The following DOCK3 variants were observed in gnomAD, a reference collection of about 807,000 sequenced individuals.
DOCK3 encodes the protein dedicator of cytokinesis 3.
In DOCK3, 60 loss-of-function variants were observed where a neutral mutation model predicts 265.6. The observed-to-expected ratio is 0.23, with a 90% CI of 0.18 to 0.28. The LOEUF (loss-of-function observed/expected upper bound fraction) is 0.28. Among genes scored for constraint, DOCK3 ranks in the 10% least tolerant of loss-of-function variants. The pLI, the probability that DOCK3 is intolerant of heterozygous loss-of-function variation, is 1.00. For synonymous variants in DOCK3, 881 were observed against 938.0 expected (o/e 0.94, Z 1.11); for missense variants, 1,981 against 2,594.3 (o/e 0.76, Z 5.14).
intron 1 of DOCK3, among the ~76,000 whole-genome samples, chr3:50,688,790 T>A (rs373726005): frequency 1.3e-5 from 2 of 152,084 alleles, no homozygotes; most frequent in East Asian, 3.8e-4. Flanking sequence ...TGCAGCTTTC[T>A]TTATTGTTGG....
chr3:50,688,866 G>A (rs1158868624), intron 1 of DOCK3, among the ~76,000 whole-genome samples: 5 of 152,156 alleles, frequency 3.3e-5, no homozygotes, highest in Admixed American at 1.3e-4. Context: ...TTTCAAAGAA[G>A]CTCTCCAGTG....
At chr3:51,195,665 G>A (rs1004172396) in intron 12 of DOCK3, among the ~76,000 whole-genome samples, 11 of 151,868 alleles carry the variant, frequency 7.2e-5, no homozygotes, top group Middle Eastern at 3.4e-3. Flanking sequence ...TGATCTGCCC[G>A]CCTCGGCCTC....
intron 5 of DOCK3, among the ~76,000 whole-genome samples, chr3:50,941,569 C>T (rs1015755765): frequency 2.0e-5 from 3 of 151,984 alleles, no homozygotes; most frequent in African/African-American, 7.2e-5. Flanking sequence ...GTGTTTTTAC[C>T]CTACAGAAGT....
chr3:51,381,699 T>C lies in DOCK3; in HGVS notation c.*140T>C. 1.7e-6 allele frequency: 2 copies of C among 1,211,090 alleles called. 1 individual carries two copies. Among genetic ancestry groups the C allele is most frequent in the South Asian group, 3.4e-5 (2 of 59,192 alleles). The allele number at this position is 1,211,090 out of a possible 1,614,324, so 75.0% of individuals were successfully genotyped here. A position where few individuals can be genotyped will look rare whatever the true frequency, so the allele number is the denominator to read the frequency against. Reference sequence around the variant, plus strand: ...GAGAGAACCACCCCCAAGTCTCCGTTCTACTGCCGTGAACTCATGTGTTGC... The same window carrying C: ...GAGAGAACCACCCCCAAGTCTCCGTCCTACTGCCGTGAACTCATGTGTTGC... On this transcript the variant is annotated 3_prime_UTR_variant, in exon 53 of 53. Transcript: ENST00000266037. The surrounding 1 kb of genome is among the most constrained non-coding windows in gnomAD (Gnocchi z 5.6).
chr3:51,137,772 GTTGTC>G (rs2084872464), intron 9 of DOCK3, among the ~76,000 whole-genome samples: 1 of 152,194 alleles, frequency 6.6e-6, no homozygotes, highest in African/African-American at 2.4e-5. Context: ...AGGTAGAGTA[GTTGTC>G]TTGTAATATT....
At chr3:50,801,397 C>G (rs1484401320) in intron 2 of DOCK3, among the ~76,000 whole-genome samples, 1 of 151,660 alleles carries the variant, frequency 6.6e-6, no homozygotes, top group Non-Finnish European at 1.5e-5. Context: ...TGGAATGAGT[C>G]AGGGTGGAGC....
chr3:50,854,592 G>GTTTTTTTCTTTTTTTTTTTTTTTTTT (rs2046496939), intron 3 of DOCK3, among the ~76,000 whole-genome samples: 1 of 47,212 alleles, frequency 2.1e-5, no homozygotes, highest in Non-Finnish European at 3.6e-5. Flanking sequence ...CATCACACCA[G>GTTTTTTTCTTTTTTTTTTTTTTTTTT]TTTTTTTTTT....
At chr3:51,307,017 CAG>C (rs533643128) in intron 27 of DOCK3, among the ~76,000 whole-genome samples, 137 of 152,324 alleles carry the variant, frequency 9.0e-4, no homozygotes, top group African/African-American at 3.2e-3. Flanking sequence ...CTCTGGAAAT[CAG>C]ATCCCTTCCC....
intron 9 of DOCK3, among the ~76,000 whole-genome samples, chr3:51,139,490 C>T (rs915072936): frequency 3.9e-5 from 6 of 152,150 alleles, no homozygotes; most frequent in Non-Finnish European, 7.4e-5. Flanking sequence ...CCCTCATTAG[C>T]AAACTTCCAC....
intron 14 of DOCK3, among the ~76,000 whole-genome samples, chr3:51,216,852 G>T (rs1336951860): frequency 1.3e-5 from 2 of 152,116 alleles, no homozygotes; most frequent in African/African-American, 2.4e-5. Flanking sequence ...CAAACCCTGG[G>T]CACATCTCTA....
At chr3:50,934,340 T>TTTTATAAA (rs1484055920) in intron 5 of DOCK3, among the ~76,000 whole-genome samples, 2 of 152,194 alleles carry the variant, frequency 1.3e-5, no homozygotes, top group Non-Finnish European at 2.9e-5. Flanking sequence ...TTACTCATTG[T>TTTTATAAA]TGTGTCCCCA....
chr3:50,805,476 G>A (rs749932163), intron 2 of DOCK3, among the ~76,000 whole-genome samples: 5 of 152,100 alleles, frequency 3.3e-5, no homozygotes, highest in Admixed American at 6.5e-5. Context: ...TTGGCTGGTC[G>A]GTGGACATAC....
chr3:51,079,599 C>T (rs2082160795), intron 7 of DOCK3, among the ~76,000 whole-genome samples: 1 of 152,028 alleles, frequency 6.6e-6, no homozygotes, highest in African/African-American at 2.4e-5. Flanking sequence ...GCGATCCTCC[C>T]ACCTTGGCCT....
intron 32 of DOCK3, among the ~76,000 whole-genome samples, chr3:51,324,664 C>T (rs1170455919): frequency 6.6e-6 from 1 of 152,304 alleles, no homozygotes; most frequent in Non-Finnish European, 1.5e-5. Context: ...TGACTTCAAA[C>T]TATACTACAA....
chr3:50,836,135 T>A (rs554653604), intron 2 of DOCK3, among the ~76,000 whole-genome samples: 9 of 152,284 alleles, frequency 5.9e-5, no homozygotes, highest in African/African-American at 2.2e-4. Flanking sequence ...TTGAGAGGGA[T>A]CTATTACTTC....
chr3:50,677,612 C>T (rs1224044998), intron 1 of DOCK3, among the ~76,000 whole-genome samples: 1 of 152,182 alleles, frequency 6.6e-6, no homozygotes, highest in Non-Finnish European at 1.5e-5. Context: ...AAACCCCTTA[C>T]ACTTACTTCC....
intron 9 of DOCK3, among the ~76,000 whole-genome samples, chr3:51,113,132 A>G (rs181613869): frequency 7.2e-5 from 11 of 152,212 alleles, no homozygotes; most frequent in Non-Finnish European, 1.5e-4. Flanking sequence ...GACAGAGAAA[A>G]TCCCTGTATT....
At chr3:50,882,508 G>T (rs6446230) in intron 3 of DOCK3, among the ~76,000 whole-genome samples, 2 of 151,912 alleles carry the variant, frequency 1.3e-5, no homozygotes, top group South Asian at 4.2e-4. Context: ...CAACAGACAC[G>T]TGAAAAAATG....
chr3:50,870,942 TATA>T (rs1377876094), intron 3 of DOCK3, among the ~76,000 whole-genome samples: 1 of 152,154 alleles, frequency 6.6e-6, no homozygotes, highest in Non-Finnish European at 1.5e-5. Context: ...TGTTTCTTTT[TATA>T]TTTTATTGTA....
Sources: gnomAD v4.1 joint callset for allele counts (sites outside exome capture counted in the v4.1 genomes callset) on GRCh38, gnomAD v4.1.1 for gene constraint, Gnocchi (gnomAD v3.1) non-coding constraint, MANE v1.5 for transcripts, NCBI Gene and HGNC (gene_info 2026-07-23, HGNC 2026-07-21) for gene names.